NXF1: variants seen among roughly 807,000 people sequenced by gnomAD.
NXF1 encodes the protein nuclear RNA export factor 1.
In NXF1, 43 loss-of-function variants were observed where a neutral mutation model predicts 92.4. The ratio of observed to expected loss-of-function variants is 0.47; its 90% CI spans 0.36 to 0.60. NXF1 has a LOEUF of 0.60. Ranked by LOEUF, NXF1 falls within the 20% of genes least tolerant of loss-of-function variation. NXF1 has a pLI of 0.00. For synonymous variants in NXF1, 288 were observed against 292.2 expected (o/e 0.99, Z 0.15); for missense variants, 576 against 793.0 (o/e 0.73, Z 3.29).
intron 17 of NXF1, 171 bp from the exon 18 acceptor site, chr11:62,795,178 G>T: frequency 1.7e-6 from 1 of 598,928 alleles, no homozygotes. Flanking sequence ...GGTCAGAAAG[G>T]ACAATAGTAA....
In NXF1 at chr11:62,792,428, A is replaced by G; in HGVS notation, c.*48T>C. 1 of 1,610,452 alleles carries G rather than the reference A, an allele frequency of 6.2e-7. No homozygotes were observed. Among genetic ancestry groups the G allele is most frequent in the Non-Finnish European group, 8.5e-7 (1 of 1,176,612 alleles). ...TGACAGACGACAACCAGACGGTAAT[A>G]TCCAAGGACTATTTACAGGGGGGAC... On this transcript the variant is annotated 3_prime_UTR_variant, in exon 21 of 21. Transcript: ENST00000294172.
At chr11:62,793,204 G>A (rs1192396492) in intron 19 of NXF1, among the ~76,000 whole-genome samples, 4 of 151,756 alleles carry the variant, frequency 2.6e-5, no homozygotes, top group African/African-American at 2.4e-5. Flanking sequence ...TCAGCCTCCC[G>A]AGTAGTTGGG....
Position 62,796,273 on chromosome 11 carries a change from T to G in NXF1, c.1345+14A>C. 6.2e-7 allele frequency: 1 copy of G among 1,614,068 alleles called. No individual in the cohort carries two copies. Among genetic ancestry groups the G allele is most frequent in the East Asian group, 2.2e-5 (1 of 44,890 alleles). ...ATGCCCTTTTCCCATATTTTGTTCG[T>G]ATCACACACTTACTAGGGTCTTTAA... On this transcript the variant is annotated intron_variant, in intron 15 of 20. Transcript: ENST00000294172.
chr11:62,801,682 G>T (rs777422844), intron 6 of NXF1, 51 bp from the exon 7 acceptor site: 2 of 1,605,962 alleles, frequency 1.2e-6, no homozygotes, highest in Admixed American at 1.7e-5. Flanking sequence ...TGTGGGGGGT[G>T]GGGGTGTGAG....
intron 10 of NXF1, 151 bp downstream of exon 10, chr11:62,800,226 A>G: frequency 6.9e-7 from 1 of 1,457,780 alleles, no homozygotes; most frequent in Non-Finnish European, 9.1e-7. Context: ...ACACAGACAG[A>G]CCAAAGTGGG....
At position 62,805,049 on chromosome 11, in the gene NXF1, C is replaced by T. The variant is rs139190483; in HGVS notation, c.28+280G>A. 4.1e-3 allele frequency: 1,406 copies of T among 339,782 alleles called. 21 individuals are homozygous for T. The highest frequency in any genetic ancestry group is 0.029 in the African/African-American group (1,329 of 46,420). 21.0% of individuals were successfully genotyped at this position (339,782 alleles called of 1,614,324 possible). On this transcript the variant is annotated intron_variant, in intron 1 of 20. Transcript: ENST00000294172. Reference sequence around the variant, plus strand: ...TAAAGGAAGAGTCAGGCCGCCAAACCTAACTGACAGGCATCAACCACCCAC... The same window carrying T: ...TAAAGGAAGAGTCAGGCCGCCAAACTTAACTGACAGGCATCAACCACCCAC...
At chr11:62,800,532 A>T in intron 9 of NXF1, 46 bp from the exon 10 acceptor site, 1 of 1,408,262 alleles carries the variant, frequency 7.1e-7, no homozygotes, top group Non-Finnish European at 9.9e-7. Context: ...TGGTGAAGAC[A>T]GCCAGCTGGC....
intron 13 of NXF1, 75 bp downstream of exon 13, chr11:62,797,108 A>G (rs546955969): frequency 1.1e-5 from 14 of 1,225,126 alleles, no homozygotes; most frequent in Non-Finnish European, 1.5e-5. Flanking sequence ...AAACAAAAAG[A>G]TTGATGTGTG....
intron 17 of NXF1, 104 bp from the exon 18 acceptor site, chr11:62,795,111 A>C: frequency 9.0e-7 from 1 of 1,116,572 alleles, no homozygotes; most frequent in Non-Finnish European, 1.3e-6. Context: ...AGCAAGTCAG[A>C]GAGGAATGAT....
Position 62,794,508 on chromosome 11 carries a change from C to T in NXF1, c.1578-68G>A, listed in dbSNP as rs2084401129. 2.1e-6 allele frequency: 3 copies of T among 1,408,378 alleles called. No individual in the cohort carries two copies. In the South Asian group the frequency reaches 3.6e-5, roughly 17 times the overall value. 87.2% of individuals were successfully genotyped at this position (1,408,378 alleles called of 1,614,324 possible). A position where few individuals can be genotyped will look rare whatever the true frequency, so the allele number is the denominator to read the frequency against. On this transcript the variant is annotated intron_variant, in intron 18 of 20. Transcript: ENST00000294172. ...TCATCCTCCCAACATCATTCCTATT[C>T]TCTGATTCTTTCAATATCCACAAGG...
Position 62,803,907 on chromosome 11 carries a change from C to G in NXF1, c.100G>C (p.Gly34Arg), listed in dbSNP as rs138084535. The change falls in exon 2 of 21, where the codon GGT becomes CGT. Residue 34 changes from glycine (G) to arginine (R), a missense_variant. By Grantham distance (125) the Gly-to-Arg change is moderately radical. Coordinates refer to ENST00000294172, the MANE Select transcript of NXF1 (RefSeq NM_006362.5). The stretch of plus-strand genomic sequence containing the variant: ...CTTCCAGACCTACGGTTTCCTTCAC[C>G]ATATTTCCACCGGAAGGGACCCCGG... ...KGRGPFRWKY[G>R]EGNRRSGRGG... 1.2e-6 allele frequency: 2 copies of G among 1,614,110 alleles called. No individual in the cohort carries two copies. Among genetic ancestry groups the G allele is most frequent in the Non-Finnish European group, 1.7e-6 (2 of 1,180,054 alleles).
At chr11:62,793,750 G>A (rs915744834) in intron 19 of NXF1, among the ~76,000 whole-genome samples, 4 of 149,428 alleles carry the variant, frequency 2.7e-5, no homozygotes, top group East Asian at 4.0e-4. Flanking sequence ...TTGGGAGGCC[G>A]AGGTAGGCAG....
intron 4 of NXF1, 61 bp from the exon 5 acceptor site, chr11:62,802,107 G>T (rs549084120): frequency 6.2e-7 from 1 of 1,605,788 alleles, no homozygotes; most frequent in Non-Finnish European, 8.5e-7. Context: ...GGGGCATTAC[G>T]CTGGGAGTCC....
chr11:62,804,275 GACC>G (rs2084511167), intron 1 of NXF1: 1 of 1,314,958 alleles, frequency 7.6e-7, no homozygotes, highest in Non-Finnish European at 1.0e-6. Context: ...ACACAAATCA[GACC>G]TCTGAAAGCC....
Position 62,802,061 on chromosome 11 carries a change from A to G in NXF1, c.454-15T>C, listed in dbSNP as rs371695776. ...TCATAGTGAAACTACAAGAGGAAACAGGAGCATTACACTGGGAGTCCAGAG... is the reference window on the plus strand; with the variant it reads ...TCATAGTGAAACTACAAGAGGAAACGGGAGCATTACACTGGGAGTCCAGAG... On this transcript the variant is annotated splice_polypyrimidine_tract_variant and intron_variant, in intron 4 of 20. Coordinates refer to ENST00000294172, the MANE Select transcript of NXF1 (RefSeq NM_006362.5). 29 of 1,613,190 alleles carry G rather than the reference A, an allele frequency of 1.8e-5. No individual in the cohort carries two copies. Among genetic ancestry groups the G allele is most frequent in the Non-Finnish European group, 2.0e-5 (24 of 1,179,188 alleles).
At chr11:62,798,918 GGT>G (rs1346490852) in intron 10 of NXF1, 2 of 1,104,198 alleles carry the variant, frequency 1.8e-6, no homozygotes, top group Non-Finnish European at 1.1e-6. Flanking sequence ...GAGGGAATGG[GGT>G]GGGAGCCCAG....
chr11:62,805,035 T>G, intron 1 of NXF1: 1 of 321,888 alleles, frequency 3.1e-6, no homozygotes, highest in Non-Finnish European at 5.6e-6. Flanking sequence ...AAAGGAAGAG[T>G]CAGGCCGCCA....
chr11:62,802,328 C>T, intron 3 of NXF1, 68 bp from the exon 4 acceptor site: 11 of 1,274,674 alleles, frequency 8.6e-6, no homozygotes, highest in African/African-American at 1.5e-5. Flanking sequence ...CAATACAATG[C>T]CTTTTATACC....
intron 19 of NXF1, 98 bp downstream of exon 19, chr11:62,794,160 G>T: frequency 2.7e-6 from 3 of 1,113,414 alleles, no homozygotes; most frequent in Non-Finnish European, 3.8e-6. Context: ...GCAAGAACTT[G>T]TCTCCAAAAA....
Sources: gnomAD v4.1 joint callset for allele counts (sites outside exome capture counted in the v4.1 genomes callset) on GRCh38, gnomAD v4.1.1 for gene constraint, MANE v1.5 for transcripts, NCBI Gene and HGNC (gene_info 2026-07-23, HGNC 2026-07-21) for gene names.